Variants in STK11 observed in about 807,000 individuals in gnomAD.
The protein encoded by STK11 is serine/threonine-protein kinase STK11.
A neutral mutation model predicts 47.3 loss-of-function variants in STK11; 8 were observed. The ratio of observed to expected loss-of-function variants is 0.17; its 90% CI spans 0.10 to 0.31. The LOEUF is 0.31. STK11 is among the 10% of genes least tolerant of loss of function. The pLI is 1.00. For missense variants in STK11, 475 were observed against 605.0 expected, an observed-to-expected ratio of 0.79 and a Z score of 2.25; for synonymous variants, 330 against 255.8, an observed-to-expected ratio of 1.29 and a Z score of -2.77.
At chr19:1,221,172 C>T (rs1349940099) in intron 5 of STK11, 41 bp from the exon 6 acceptor site, 2 of 1,609,090 alleles carry the variant, frequency 1.2e-6, no homozygotes, top group Non-Finnish European at 1.7e-6. Flanking sequence ...CGTCAACCAC[C>T]TTGACTGACC....
At chr19:1,211,258 C>T (rs2080708149) in intron 1 of STK11, among the ~76,000 whole-genome samples, 1 of 152,174 alleles carries the variant, frequency 6.6e-6, no homozygotes, top group Non-Finnish European at 1.5e-5. Context: ...CTGGGCAAGC[C>T]TAGGAGAGAA....
At chr19:1,208,340 C>T (rs979529022) in intron 1 of STK11, among the ~76,000 whole-genome samples, 6 of 148,144 alleles carry the variant, frequency 4.1e-5, no homozygotes, top group Non-Finnish European at 8.9e-5. Flanking sequence ...CGGAGTCTCG[C>T]TCTGTTCCCC....
intron 6 of STK11, 55 bp downstream of exon 6, chr19:1,221,395 A>G (rs2145427523): frequency 6.5e-7 from 1 of 1,534,892 alleles, no homozygotes. Context: ...TTTTGTGCAG[A>G]AATGTAGGGT....
intron 9 of STK11, chr19:1,226,888 CG>C: frequency 1.8e-6 from 1 of 552,108 alleles, no homozygotes; most frequent in Middle Eastern, 4.8e-4. Flanking sequence ...CTACGTGTGG[CG>C]GGGCTCTGGG....
intron 1 of STK11, among the ~76,000 whole-genome samples, chr19:1,208,278 C>T (rs1310956650): frequency 6.6e-6 from 1 of 151,352 alleles, no homozygotes; most frequent in Non-Finnish European, 1.5e-5. Flanking sequence ...CACCTCTCTC[C>T]TGCTCAGGGG....
chr19:1,227,429 C>A, intron 9 of STK11, 164 bp from the exon 10 acceptor site: 7 of 673,516 alleles, frequency 1.0e-5, no homozygotes, highest in Non-Finnish European at 1.3e-5. Context: ...CACAATGTAC[C>A]CCGGGAGTGA....
At chr19:1,225,080 G>C in intron 8 of STK11, 2 of 986,132 alleles carry the variant, frequency 2.0e-6, no homozygotes, top group African/African-American at 1.7e-5. Context: ...CCAGATCCCA[G>C]GGAAGGGGCT....
In STK11 at chr19:1,226,568, G is replaced by T; in HGVS notation, c.1223G>T (p.Gly408Val). 1 of 1,589,966 alleles carries T rather than the reference G, an allele frequency of 6.3e-7. No individual in the cohort carries two copies. The highest frequency in any genetic ancestry group is 8.5e-7 in the Non-Finnish European group (1 of 1,169,802). The change falls in exon 9 of 10, where the codon GGC becomes GTC. Residue 408 changes from glycine (G) to valine (V), a missense_variant. Physicochemically the swap from Gly to Val is moderately radical, Grantham distance 109 (BLOSUM62 -3). Coordinates refer to ENST00000326873, the MANE Select transcript of STK11 (RefSeq NM_000455.5). ...AQLSTKSRAE[G>V]RAPNPARKAC... ...CTGAGCACCAAATCCAGGGCGGAGG[G>T]CCGGGCCCCCAACCCTGCCCGCAAG...
Position 1,227,465 on chromosome 19 carries a change from C to T in STK11, c.*17-128C>T, listed in dbSNP as rs2080833453. 4 of 1,010,796 alleles carry T rather than the reference C, an allele frequency of 4.0e-6. No homozygotes were observed. The Admixed American group carries it at 1.6e-4, about 41-fold the overall frequency. 62.6% of individuals were successfully genotyped at this position (1,010,796 alleles called of 1,614,324 possible). On this transcript the variant is annotated intron_variant, in intron 9 of 9. Coordinates refer to ENST00000326873, the MANE Select transcript of STK11 (RefSeq NM_000455.5). ...CTCAAGGGTGGCCTTCCCTGGCCTCCCCTGCTGCCCCCCAGGAGTCCGGTA... is the reference window on the plus strand; with the variant it reads ...CTCAAGGGTGGCCTTCCCTGGCCTCTCCTGCTGCCCCCCAGGAGTCCGGTA...
intron 8 of STK11, chr19:1,224,971 C>T: frequency 2.0e-6 from 2 of 985,574 alleles, no homozygotes; most frequent in Non-Finnish European, 2.4e-6. Flanking sequence ...CGGGTCAGGC[C>T]ATCCTCTGCG....
At position 1,221,425 on chromosome 19, in the gene STK11, G is replaced by T. The variant is rs1007885069; in HGVS notation, c.862+85G>T. 26 of 1,469,982 alleles carry T rather than the reference G, an allele frequency of 1.8e-5. No individual in the cohort carries two copies. In the Admixed American group the frequency reaches 2.3e-4, roughly 13 times the overall value. 91.1% of individuals were successfully genotyped at this position (1,469,982 alleles called of 1,614,324 possible). ...TAGGGTTGGGGGTGTCAGGTGGGGG[G>T]CTATTGGCCCCGAGACCCCAGCAGG... On this transcript the variant is annotated intron_variant, in intron 6 of 9. Coordinates refer to ENST00000326873, the MANE Select transcript of STK11 (RefSeq NM_000455.5).
intron 3 of STK11, chr19:1,219,960 A>C (rs2080771237): frequency 4.9e-6 from 1 of 203,988 alleles, no homozygotes. Flanking sequence ...GCCTGAGGCC[A>C]GTGGCCTGCT....
intron 1 of STK11, among the ~76,000 whole-genome samples, chr19:1,212,212 C>T (rs577857353): frequency 1.3e-5 from 2 of 150,016 alleles, no homozygotes; most frequent in East Asian, 2.0e-4. Context: ...GGCGGCTGGA[C>T]GGCCCGTATA....
chr19:1,219,043 G>T (rs1483320741), intron 2 of STK11, among the ~76,000 whole-genome samples: 2 of 152,180 alleles, frequency 1.3e-5, no homozygotes, highest in East Asian at 1.9e-4. Context: ...CGTCCAGGAG[G>T]CACCATCCCC....
intron 9 of STK11, 129 bp from the exon 10 acceptor site, chr19:1,227,454 TCCCTGGCCTC>T (rs983285532): frequency 6.9e-5 from 65 of 947,392 alleles, no homozygotes; most frequent in African/African-American, 1.7e-4. Flanking sequence ...AGGGTGGCCT[TCCCTGGCCTC>T]CCCTGCTGCC....
intron 6 of STK11, 167 bp downstream of exon 6, chr19:1,221,507 C>G: frequency 9.4e-7 from 1 of 1,066,646 alleles, no homozygotes; most frequent in South Asian, 1.7e-5. Context: ...TTTGCCAGGT[C>G]CCTCAGCTCC....
intron 9 of STK11, 103 bp from the exon 10 acceptor site, chr19:1,227,490 A>G (rs1026523100): frequency 1.3e-5 from 14 of 1,046,350 alleles, no homozygotes; most frequent in Admixed American, 1.1e-4. Context: ...GGAGTCCGGT[A>G]GCCCCATGAC....
chr19:1,226,858 A>G, intron 9 of STK11, 195 bp downstream of exon 9: 1 of 657,334 alleles, frequency 1.5e-6, no homozygotes, highest in Non-Finnish European at 2.4e-6. Context: ...GTGTCTGGCC[A>G]GCGTGCTGGT....
chr19:1,214,153 C>T (rs1221068089), intron 1 of STK11, among the ~76,000 whole-genome samples: 2 of 152,158 alleles, frequency 1.3e-5, no homozygotes, highest in Non-Finnish European at 2.9e-5. Context: ...TCTTAGGTTT[C>T]GCTGGGCCTC....
Sources: allele counts gnomAD v4.1 joint callset (sites outside exome capture counted in the v4.1 genomes callset), GRCh38; gene constraint gnomAD v4.1.1; transcripts MANE v1.5; gene names NCBI Gene and HGNC (gene_info 2026-07-23, HGNC 2026-07-21).